Variants in HNRNPLL observed in about 807,000 individuals in gnomAD.
The protein encoded by HNRNPLL is heterogeneous nuclear ribonucleoprotein L-like.
Under a neutral mutation model 67.1 loss-of-function variants are expected in HNRNPLL, and 25 were observed. The observed-to-expected ratio is 0.37, with a 90% CI of 0.27 to 0.52. HNRNPLL has a LOEUF of 0.52. Among genes scored for constraint, HNRNPLL ranks in the 20% least tolerant of loss-of-function variants. The probability of loss-of-function intolerance (pLI) is 0.90; values close to 1 mark genes in which losing one functional copy is unlikely to be tolerated. For synonymous variants in HNRNPLL, 267 were observed against 241.7 expected (o/e 1.10, Z -0.97); for missense variants, 542 against 673.9 (o/e 0.80, Z 2.17).
chr2:38,588,786 A>T (rs1343751249), intron 2 of HNRNPLL, among the ~76,000 whole-genome samples: 1 of 152,108 alleles, frequency 6.6e-6, no homozygotes, highest in African/African-American at 2.4e-5. Context: ...TTGTGCCTAC[A>T]GTCCCAGCTA....
At chr2:38,565,490 G>A (rs1023040966) in intron 12 of HNRNPLL, among the ~76,000 whole-genome samples, 16 of 152,092 alleles carry the variant, frequency 1.1e-4, no homozygotes, top group African/African-American at 3.6e-4. Context: ...AGGACTGCTT[G>A]AGGCCAGGAG....
chr2:38,568,771 C>A (rs916831498), intron 10 of HNRNPLL, among the ~76,000 whole-genome samples: 1 of 152,082 alleles, frequency 6.6e-6, no homozygotes, highest in African/African-American at 2.4e-5. Flanking sequence ...TGAAGCATTT[C>A]TTACAGTTCC....
chr2:38,565,727 CAAAAAAAAAAA>C (rs200356084), intron 12 of HNRNPLL, among the ~76,000 whole-genome samples: 2 of 73,302 alleles, frequency 2.7e-5, no homozygotes, highest in Admixed American at 2.8e-4. Context: ...GACCCTGTCT[CAAAAAAAAAAA>C]AAAAAAAAAA....
chr2:38,582,285 C>T (rs2148359687), intron 4 of HNRNPLL, 117 bp from the exon 5 acceptor site: 1 of 736,760 alleles, frequency 1.4e-6, no homozygotes, highest in East Asian at 2.6e-5. Context: ...AAATGTTTTA[C>T]CAATTTCAGG....
chr2:38,580,209 G>GA (rs767553491), intron 6 of HNRNPLL, among the ~76,000 whole-genome samples: 1 of 152,126 alleles, frequency 6.6e-6, no homozygotes, highest in Non-Finnish European at 1.5e-5. Context: ...TGACAGAAGT[G>GA]AGACATTTCT....
At position 38,577,581 on chromosome 2, in the gene HNRNPLL, T is replaced by G. The variant is rs372139641; in HGVS notation, c.803-49A>C. The G allele has an allele frequency of 3.9e-4, 442 of 1,129,806 alleles. 1 individual carries two copies. Among genetic ancestry groups the G allele is most frequent in the Non-Finnish European group, 5.7e-4 (421 of 739,504 alleles). 70.0% of individuals were successfully genotyped at this position (1,129,806 alleles called of 1,614,324 possible). On this transcript the variant is annotated intron_variant, in intron 6 of 12. Coordinates refer to ENST00000449105, the MANE Select transcript of HNRNPLL (RefSeq NM_138394.4). ...TTTTAACAATTTTGACCCAAGTACT[T>G]AATGGAGTTCTCAGATGGGAAACAC...
At chr2:38,582,580 G>T (rs1231074920) in intron 4 of HNRNPLL, among the ~76,000 whole-genome samples, 2 of 152,270 alleles carry the variant, frequency 1.3e-5, no homozygotes, top group Admixed American at 6.5e-5. Flanking sequence ...AAAGTGCTGG[G>T]ATCACAGACG....
intron 12 of HNRNPLL, 55 bp downstream of exon 12, chr2:38,568,144 C>A (rs1376548057): frequency 1.9e-6 from 2 of 1,039,396 alleles, no homozygotes; most frequent in Non-Finnish European, 2.9e-6. Context: ...ATGAATGTTT[C>A]TGTGATGGTA....
chr2:38,600,424 C>G (rs955465110), intron 1 of HNRNPLL, among the ~76,000 whole-genome samples: 2 of 152,102 alleles, frequency 1.3e-5, no homozygotes, highest in African/African-American at 4.8e-5. Context: ...CTTTCTCAGA[C>G]TCACACAAAT....
At chr2:38,579,359 T>A (rs1403719235) in intron 6 of HNRNPLL, among the ~76,000 whole-genome samples, 1 of 151,898 alleles carries the variant, frequency 6.6e-6, no homozygotes, top group Non-Finnish European at 1.5e-5. Context: ...TGTATACATA[T>A]GTAACTAACC....
At chr2:38,589,696 A>G (rs1417148104) in intron 2 of HNRNPLL, among the ~76,000 whole-genome samples, 1 of 152,208 alleles carries the variant, frequency 6.6e-6, no homozygotes, top group African/African-American at 2.4e-5. Flanking sequence ...GAGTAATTCA[A>G]ATTACTAACT....
At chr2:38,566,969 T>TACA (rs1340245299) in intron 12 of HNRNPLL, among the ~76,000 whole-genome samples, 1 of 152,168 alleles carries the variant, frequency 6.6e-6, no homozygotes, top group East Asian at 1.9e-4. Flanking sequence ...AAAACTGTGA[T>TACA]ACATCTTGAC....
In HNRNPLL at chr2:38,602,838, G is replaced by C. The variant is rs760483876; in HGVS notation, c.-212C>G. ...GCGCCCCGGGAGGAAGCTCTGGAGC[G>C]GCCGCTCCTCTCAATTACCGAGCCA... On this transcript the variant is annotated 5_prime_UTR_variant, in exon 1 of 13. Coordinates refer to ENST00000449105, the MANE Select transcript of HNRNPLL (RefSeq NM_138394.4). 1.3e-6 allele frequency: 2 copies of C among 1,548,754 alleles called. No individual in the cohort carries two copies. Among genetic ancestry groups the C allele is most frequent in the African/African-American group, 2.7e-5 (2 of 72,738 alleles).
chr2:38,581,927 T>C lies in HNRNPLL; in HGVS notation c.788A>G (p.Tyr263Cys), dbSNP rs1472844186. The C allele has an allele frequency of 5.0e-6, 8 of 1,609,656 alleles. No homozygotes were observed. Among genetic ancestry groups the C allele is most frequent in the Non-Finnish European group, 6.8e-6 (8 of 1,176,022 alleles). Residue 263 changes from tyrosine to cysteine, a missense_variant, in exon 6 of 13, where the codon TAT (tyrosine) becomes TGT (cysteine). Physicochemically the swap from Tyr to Cys is radical, Grantham distance 194. Around this residue, in one of 2 missense-constraint regions of HNRNPLL, gnomAD observed 415 missense variants for 575.2 expected, o/e 0.72. Transcript: ENST00000449105. ...DNDSWDYTKPYLGRRDRGKGR... is the reference protein window; with the variant it reads ...DNDSWDYTKPCLGRRDRGKGR... ...AAAATACCTACCTCGTCTTCCCAAA[T>C]ATGGTTTAGTGTAGTCCCAACTGTC...
chr2:38,579,961 T>C (rs962282969), intron 6 of HNRNPLL, among the ~76,000 whole-genome samples: 2 of 152,188 alleles, frequency 1.3e-5, no homozygotes, highest in African/African-American at 4.8e-5. Context: ...TTTAATTATA[T>C]TTCACTATTC....
intron 6 of HNRNPLL, chr2:38,580,984 T>C (rs1666506479): frequency 1.3e-5 from 2 of 152,210 alleles, no homozygotes; most frequent in African/African-American, 4.8e-5. Context: ...TCACATATAA[T>C]GCACCTTTTC....
chr2:38,569,951 T>G, intron 8 of HNRNPLL, 26 bp from the exon 9 acceptor site: 1 of 1,543,930 alleles, frequency 6.5e-7, no homozygotes. Flanking sequence ...TCCAAAAAGG[T>G]GACCATTTAA....
In HNRNPLL at chr2:38,565,969, T is replaced by C. The variant is rs906022315; in HGVS notation, c.1574-1732A>G. 3.5e-6 allele frequency: 3 copies of C among 859,456 alleles called. No homozygotes were observed. In the African/African-American group the frequency reaches 7.0e-5, roughly 20 times the overall value. The allele number at this position is 859,456 out of a possible 1,614,324, so 53.2% of individuals were successfully genotyped here. ...TATTCCAGCCATAAATCATTCATTG[T>C]TTTTTTTTCTCTTTTTTAAACCATC... is the stretch of plus-strand genomic sequence containing the variant. On this transcript the variant is annotated intron_variant, in intron 12 of 12. Coordinates refer to ENST00000449105, the MANE Select transcript of HNRNPLL (RefSeq NM_138394.4).
At position 38,602,453 on chromosome 2, in the gene HNRNPLL, C is replaced by CCGG; in HGVS notation, c.171_173dup (p.Arg58dup). The CCGG allele has an allele frequency of 2.0e-6, 3 of 1,537,246 alleles. No homozygotes were observed. The highest frequency in any genetic ancestry group is 1.2e-5 in the South Asian group (1 of 84,008). On this transcript the variant is annotated inframe_insertion, in exon 1 of 13. Transcript: ENST00000449105. Reference sequence around the variant, plus strand: ...GCTTTGTTACCGGCTGAGAGAAGCTCCGGCCGCCGCCGCCGCCATCGCCCC... The same window carrying CCGG: ...GCTTTGTTACCGGCTGAGAGAAGCTCCGGCGGCCGCCGCCGCCGCCATCGCCCC...
Sources: allele counts gnomAD v4.1 joint callset (sites outside exome capture counted in the v4.1 genomes callset), GRCh38; gene constraint gnomAD v4.1.1; regional missense constraint gnomAD v4.1.1; transcripts MANE v1.5; gene names NCBI Gene and HGNC (gene_info 2026-07-23, HGNC 2026-07-21).